The following RNF213 variants were observed in gnomAD, a reference collection of about 807,000 sequenced individuals.
RNF213 encodes ring finger protein 213.
Under a neutral mutation model 514.4 loss-of-function variants are expected in RNF213, and 341 were observed. The ratio of observed to expected loss-of-function variants is 0.66; its 90% CI spans 0.61 to 0.73. The LOEUF (loss-of-function observed/expected upper bound fraction) is 0.73. Ranked by LOEUF, RNF213 falls within the 30% of genes least tolerant of loss-of-function variation. The pLI is 0.00. For missense variants in RNF213, 5,767 were observed against 6,615.6 expected, an observed-to-expected ratio of 0.87 and a Z score of 4.45; for synonymous variants, 2,655 against 2,658.2, an observed-to-expected ratio of 1.00 and a Z score of 0.04.
At chr17:80,277,618 G>C (rs1411855274) in intron 3 of RNF213, among the ~76,000 whole-genome samples, 6 of 123,028 alleles carry the variant, frequency 4.9e-5, no homozygotes, top group Non-Finnish European at 1.0e-4. Flanking sequence ...AAAAAAAAAA[G>C]CCTAAATATC....
At chr17:80,349,336 A>G (rs1258244852) in intron 29 of RNF213, among the ~76,000 whole-genome samples, 6 of 152,136 alleles carry the variant, frequency 3.9e-5, no homozygotes, top group African/African-American at 1.2e-4. Flanking sequence ...TTCGACTTGC[A>G]CTGTGATGGG....
At chr17:80,312,674 C>A (rs1230409070) in intron 14 of RNF213, among the ~76,000 whole-genome samples, 1 of 152,332 alleles carries the variant, frequency 6.6e-6, no homozygotes, top group Middle Eastern at 3.4e-3. Context: ...GGGCCCCTCT[C>A]TGGGGCGTGC....
chr17:80,339,401 G>T lies in RNF213; in HGVS notation c.5034G>T (p.Arg1678Ser), dbSNP rs2144057617. 1.3e-6 allele frequency: 2 copies of T among 1,537,290 alleles called. No homozygotes were observed. Among genetic ancestry groups the T allele is most frequent in the African/African-American group, 1.4e-5 (1 of 73,176 alleles). ...DVTELLAALC[R>S]QMEHFLDSWK... is the part of the protein sequence containing the mutation. ...CTGAGCTGCTGGCAGCCCTCTGCAGGCAGATGGAGCACTTCCTTGACAGCT... is the reference window on the plus strand; with the variant it reads ...CTGAGCTGCTGGCAGCCCTCTGCAGTCAGATGGAGCACTTCCTTGACAGCT... Residue 1678 changes from arginine to serine, a missense_variant, in exon 26 of 68, where the codon AGG (arginine) becomes AGT (serine). Arg to Ser is a moderately radical substitution (Grantham distance 110). Around this residue, in one of 13 missense-constraint regions of RNF213, gnomAD observed 1,377 missense variants for 1,635.2 expected, o/e 0.84. Coordinates refer to ENST00000582970, the MANE Select transcript of RNF213 (RefSeq NM_001256071.3).
intron 36 of RNF213, among the ~76,000 whole-genome samples, chr17:80,355,823 G>C (rs529884335): frequency 8.1e-6 from 1 of 123,002 alleles, no homozygotes; most frequent in African/African-American, 3.7e-5. Context: ...GGGCTTACAG[G>C]AGAAGAAGCG....
At position 80,343,331 on chromosome 17, in the gene RNF213, T is replaced by G. The variant is rs762864847; in HGVS notation, c.6183+6T>G. 6.2e-7 allele frequency: 1 copy of G among 1,610,436 alleles called. No individual in the cohort carries two copies. The highest frequency in any genetic ancestry group is 8.5e-7 in the Non-Finnish European group (1 of 1,178,948). ...ACCTGGACGTGACCTCCTCAGTAAG[T>G]GCCCTCCAGCGTCAGCCGATGGCCA... On this transcript the variant is annotated splice_donor_region_variant and intron_variant, in intron 27 of 67. Transcript: ENST00000582970. This position sits in a 1 kb window ranked among gnomAD's most constrained non-coding sequence, Gnocchi z 4.3.
chr17:80,278,452 G>A (rs1258775543), intron 3 of RNF213, among the ~76,000 whole-genome samples: 1 of 152,222 alleles, frequency 6.6e-6, no homozygotes, highest in Non-Finnish European at 1.5e-5. Flanking sequence ...CCGGGAGCCT[G>A]GTAGGGTGCT....
intron 3 of RNF213, among the ~76,000 whole-genome samples, chr17:80,273,983 G>A (rs976938351): frequency 1.3e-5 from 2 of 152,174 alleles, no homozygotes; most frequent in African/African-American, 4.8e-5. Context: ...TGTGGCTGGG[G>A]TGGGGCCTGA....
At chr17:80,325,705 G>T (rs1280146787) in intron 18 of RNF213, among the ~76,000 whole-genome samples, 1 of 151,674 alleles carries the variant, frequency 6.6e-6, no homozygotes, top group Non-Finnish European at 1.5e-5. Context: ...CAGGTGTTTT[G>T]TGGTCAAGGA....
intron 2 of RNF213, among the ~76,000 whole-genome samples, chr17:80,271,553 T>G (rs2043822852): frequency 1.3e-5 from 2 of 152,218 alleles, no homozygotes; most frequent in Non-Finnish European, 2.9e-5. Context: ...AAAGCAGGCT[T>G]GGCCTGGCAC....
chr17:80,373,138 G>A lies in RNF213; in HGVS notation c.12915G>A (p.Val4305=), dbSNP rs2079584598. Residue 4305 remains valine, a synonymous_variant, in exon 49 of 68, where the codon GTG becomes GTA. Transcript: ENST00000582970. Reference sequence around the variant, plus strand: ...AGCCCGGCCGCCCGCACCAGTGGGTGTTTCCCAAGGACGTTGTCAAGCAGC... The same window carrying A: ...AGCCCGGCCGCCCGCACCAGTGGGTATTTCCCAAGGACGTTGTCAAGCAGC... ...LSKPGRPHQW[V]FPKDVVKQQG... is the part of the protein sequence containing the mutation. 1 of 1,612,522 alleles carries A rather than the reference G, an allele frequency of 6.2e-7. No homozygotes were observed. The highest frequency in any genetic ancestry group is 8.5e-7 in the Non-Finnish European group (1 of 1,179,960).
In RNF213 at chr17:80,263,431, A is replaced by C; in HGVS notation, c.-108-143A>C. 2.0e-6 allele frequency: 1 copy of C among 509,142 alleles called. No individual in the cohort carries two copies. Among genetic ancestry groups the C allele is most frequent in the East Asian group, 3.6e-5 (1 of 27,452 alleles). 31.5% of individuals were successfully genotyped at this position (509,142 alleles called of 1,614,324 possible). Reference sequence around the variant, plus strand: ...GCAGGGATGGTTCTAGGCTGGCTGAATGAGGGACCAGGGCAGAGACTGCAA... The same window carrying C: ...GCAGGGATGGTTCTAGGCTGGCTGACTGAGGGACCAGGGCAGAGACTGCAA... On this transcript the variant is annotated intron_variant, in intron 1 of 67. Coordinates refer to ENST00000582970, the MANE Select transcript of RNF213 (RefSeq NM_001256071.3). The surrounding 1 kb of genome is among the most constrained non-coding windows in gnomAD (Gnocchi z 4.9).
chr17:80,353,689 T>C lies in RNF213; in HGVS notation c.10578+23T>C, dbSNP rs751953773. On this transcript the variant is annotated intron_variant, in intron 34 of 67. Transcript: ENST00000582970. The surrounding 1 kb of genome is among the most constrained non-coding windows in gnomAD (Gnocchi z 5.0). ...GATGTAAGTTCTGGTTCTTGGGACC[T>C]CCCCTTGTGCTGCTGGTGATGCTTC... 6.2e-7 allele frequency: 1 copy of C among 1,614,044 alleles called. No individual in the cohort carries two copies. Among genetic ancestry groups the C allele is most frequent in the East Asian group, 2.2e-5 (1 of 44,890 alleles).
rs559552051 is a variant in RNF213, at chr17:80,359,524, C to CAA, written c.11055-510_11055-509dup. Among the ~76,000 whole-genome samples the CAA allele has an allele frequency of 7.6e-3, 246 of 32,496 alleles. 31 individuals are homozygous for CAA. Among genetic ancestry groups the CAA allele is most frequent in the African/African-American group, 0.032 (233 of 7,316 alleles). The allele number at this position is 32,496 out of a possible 152,430, so 21.3% of individuals were successfully genotyped here. On this transcript the variant is annotated intron_variant, in intron 37 of 67. Transcript: ENST00000582970. ...GTGGTGACAGAGTGAGACTCTATCTCAAAAAAAAAAAAAAAAAAAAAAAAA... is the reference window on the plus strand; with the variant it reads ...GTGGTGACAGAGTGAGACTCTATCTCAAAAAAAAAAAAAAAAAAAAAAAAAAA...
intron 3 of RNF213, among the ~76,000 whole-genome samples, chr17:80,287,214 A>G (rs1269594209): frequency 6.6e-6 from 1 of 152,150 alleles, no homozygotes; most frequent in African/African-American, 2.4e-5. Context: ...TTTTAAAACC[A>G]GCTGGGAATG....
chr17:80,302,042 A>G (rs908178650), intron 11 of RNF213, among the ~76,000 whole-genome samples: 1 of 152,228 alleles, frequency 6.6e-6, no homozygotes, highest in African/African-American at 2.4e-5. Context: ...AGAAAGAGAA[A>G]TACTGCATAT....
At chr17:80,301,418 A>G (rs2045174259) in intron 11 of RNF213, among the ~76,000 whole-genome samples, 1 of 152,200 alleles carries the variant, frequency 6.6e-6, no homozygotes, top group Non-Finnish European at 1.5e-5. Context: ...TGTCATCTAC[A>G]CGTTGGATAG....
rs35624579 is a variant in RNF213 at position 80,387,953 on chromosome 17, A to ATT, written c.14923-636_14923-635dup. Among the ~76,000 whole-genome samples the ATT allele has an allele frequency of 3.6e-3, 403 of 111,310 alleles. 2 individuals carry two copies. The highest frequency in any genetic ancestry group is 7.3e-3 in the African/African-American group (189 of 25,792). 73.0% of individuals were successfully genotyped at this position (111,310 alleles called of 152,430 possible). On this transcript the variant is annotated intron_variant, in intron 63 of 67. Coordinates refer to ENST00000582970, the MANE Select transcript of RNF213 (RefSeq NM_001256071.3). ...GGCCAGGAACTGTGAGAGCCCATGGATTTTTTTTTTTTTTTTTTTTTTTTG... is the reference window on the plus strand; with the variant it reads ...GGCCAGGAACTGTGAGAGCCCATGGATTTTTTTTTTTTTTTTTTTTTTTTTTG...
chr17:80,283,567 G>GC (rs559544034), intron 3 of RNF213, among the ~76,000 whole-genome samples: 65 of 152,348 alleles, frequency 4.3e-4, no homozygotes, highest in African/African-American at 1.5e-3. Context: ...CAACCTCCGT[G>GC]TGCTGCTGCT....
intron 16 of RNF213, among the ~76,000 whole-genome samples, chr17:80,318,044 C>G (rs1400099955): frequency 6.6e-6 from 1 of 152,120 alleles, no homozygotes; most frequent in Non-Finnish European, 1.5e-5. Context: ...TGGCTCTTCC[C>G]TGAAGTCAGG....
Sources: gnomAD v4.1 joint callset for allele counts (sites outside exome capture counted in the v4.1 genomes callset) on GRCh38, gnomAD v4.1.1 for gene constraint, gnomAD v4.1.1 regional missense constraint, Gnocchi (gnomAD v3.1) non-coding constraint, MANE v1.5 for transcripts, NCBI Gene and HGNC (gene_info 2026-07-23, HGNC 2026-07-21) for gene names.